Variants in DICER1 observed in about 807,000 individuals in gnomAD.
DICER1 encodes the protein endoribonuclease Dicer.
DICER1 carries 43 observed loss-of-function variants against 194.1 expected under a neutral mutation model. That is an observed-to-expected ratio of 0.22 (90% CI 0.17 to 0.29). The LOEUF is 0.29. DICER1 is among the 10% of genes least tolerant of loss of function. The pLI, the probability that DICER1 is intolerant of heterozygous loss-of-function variation, is 1.00. For missense variants in DICER1, 1,608 were observed against 2,317.0 expected (o/e 0.69, Z 6.28); for synonymous variants, 832 against 820.5 (o/e 1.01, Z -0.24).
Position 95,116,389 on chromosome 14 carries a change from A to G in DICER1, c.1752+64T>C, listed in dbSNP as rs895039666. Reference sequence around the variant, plus strand: ...ATCTGTTCCTATGGATACAAAGAATAACAAAGAAGCCACATTAATTTTTTT... The same window carrying G: ...ATCTGTTCCTATGGATACAAAGAATGACAAAGAAGCCACATTAATTTTTTT... On this transcript the variant is annotated intron_variant, in intron 10 of 26. Transcript: ENST00000343455. 5.5e-5 allele frequency: 87 copies of G among 1,577,452 alleles called. No individual in the cohort carries two copies. The African/African-American group carries it at 5.7e-4, about 10-fold the overall frequency.
intron 8 of DICER1, among the ~76,000 whole-genome samples, chr14:95,121,849 A>T (rs1423133285): frequency 6.6e-6 from 1 of 152,208 alleles, no homozygotes; most frequent in Non-Finnish European, 1.5e-5. Context: ...CATAAACATA[A>T]GACTGTGCAC....
chr14:95,138,994 TAAAAAAAAA>T (rs67050539), intron 1 of DICER1, among the ~76,000 whole-genome samples: 3 of 135,966 alleles, frequency 2.2e-5, no homozygotes, highest in Admixed American at 7.3e-5. Flanking sequence ...AATAAAAAAA[TAAAAAAAAA>T]AAAAAAAGAA....
chr14:95,114,079 T>C (rs1287551190), intron 11 of DICER1, among the ~76,000 whole-genome samples: 1 of 152,124 alleles, frequency 6.6e-6, no homozygotes, highest in African/African-American at 2.4e-5. Context: ...GATGTAAACA[T>C]GAACAAACAA....
In DICER1 at chr14:95,156,198, T is replaced by C. The variant is rs371387236; in HGVS notation, c.-46+1032A>G. ...GCTTAAATCCTAACCTGAGTCCTTT[T>C]CCACTGTTTGAAAACAAGCACCACG... is the stretch of plus-strand genomic sequence containing the variant. On this transcript the variant is annotated intron_variant, in intron 1 of 26. Transcript: ENST00000343455. Among the ~76,000 whole-genome samples the C allele has an allele frequency of 3.9e-5, 6 of 152,356 alleles. 1 individual carries two copies. In the East Asian group the frequency reaches 9.6e-4, roughly 24 times the overall value.
chr14:95,093,109 T>A (rs1889993419), intron 24 of DICER1, among the ~76,000 whole-genome samples: 1 of 152,136 alleles, frequency 6.6e-6, no homozygotes, highest in Non-Finnish European at 1.5e-5. Flanking sequence ...AAGGGGAAGG[T>A]ACAAATTAAA....
At position 95,096,328 on chromosome 14, in the gene DICER1, G is replaced by C; in HGVS notation, c.4592C>G (p.Ser1531Ter). 1 of 1,614,188 alleles carries C rather than the reference G, an allele frequency of 6.2e-7. No homozygotes were observed. The change falls in exon 23 of 27, where the codon TCA (serine) becomes TGA (stop). Residue 1531 changes from serine (S) to a stop codon, truncating the protein, a stop_gained. Coordinates refer to ENST00000343455, the MANE Select transcript of DICER1 (RefSeq NM_177438.3). LOFTEE classifies it high-confidence loss of function. The part of the protein sequence containing the change: ...DDFVVGFWNP[S>*]EENCGVDTGK... ...CGTGTCAACACCACAGTTTTCTTCT[G>C]ATGGATTCCAGAACCCCACCACAAA...
At chr14:95,123,095 G>A (rs887905550) in intron 8 of DICER1, among the ~76,000 whole-genome samples, 2 of 152,064 alleles carry the variant, frequency 1.3e-5, no homozygotes, top group East Asian at 3.9e-4. Flanking sequence ...AAAGTAAATT[G>A]ATTTAAGTAC....
chr14:95,107,912 T>C lies in DICER1; in HGVS notation c.2618A>G (p.Asp873Gly), dbSNP rs1555370765. ...PALEFKPTDA[D>G]SAYCVLPLNV... ...AAGAGGTAGAACACAGTATGCTGAA[T>C]CAGCGTCTGTAGGTTTAAATTCTAG... The change falls in exon 16 of 27, where the codon GAT becomes GGT. Residue 873 changes from aspartate to glycine, a missense_variant. By Grantham distance (94) the Asp-to-Gly change is moderately conservative. Transcript: ENST00000343455. 6.2e-7 allele frequency: 1 copy of C among 1,614,126 alleles called. No homozygotes were observed.
rs1595465759 is a variant in DICER1 at position 95,132,505 on chromosome 14, T to C, written c.307+10A>G. ...CCCCTGCACAACTTGATAAAATAATTTTTTATTACCAGAGTTGACCAAGAA... is the reference window on the plus strand; with the variant it reads ...CCCCTGCACAACTTGATAAAATAATCTTTTATTACCAGAGTTGACCAAGAA... On this transcript the variant is annotated intron_variant, in intron 3 of 26. Transcript: ENST00000343455. 4 of 1,613,648 alleles carry C rather than the reference T, an allele frequency of 2.5e-6. No individual in the cohort carries two copies. The highest frequency in any genetic ancestry group is 3.4e-6 in the Non-Finnish European group (4 of 1,179,710).
At chr14:95,118,612 G>A (rs565408794) in intron 8 of DICER1, among the ~76,000 whole-genome samples, 5 of 152,230 alleles carry the variant, frequency 3.3e-5, no homozygotes, top group African/African-American at 4.8e-5. Flanking sequence ...CACATTACAC[G>A]GGTGCAGAAG....
chr14:95,097,086 C>T (rs1890423744), intron 22 of DICER1, among the ~76,000 whole-genome samples: 1 of 152,180 alleles, frequency 6.6e-6, no homozygotes, highest in South Asian at 2.1e-4. Context: ...GCTGATCACA[C>T]AGATCTTCAA....
At position 95,090,667 on chromosome 14, in the gene DICER1, T is replaced by C. The variant is rs768097589; in HGVS notation, c.5604-4A>G. On this transcript the variant is annotated splice_region_variant and splice_polypyrimidine_tract_variant and intron_variant, in intron 26 of 26. Transcript: ENST00000343455. The stretch of plus-strand genomic sequence containing the variant: ...GTCGTAAGTTCTCTCAGCCGGGCTG[T>C]AAAAAATCCAAACAGCTTGAATTAG... 1 of 1,614,110 alleles carries C rather than the reference T, an allele frequency of 6.2e-7. No individual in the cohort carries two copies. The highest frequency in any genetic ancestry group is 2.2e-5 in the East Asian group (1 of 44,882).
intron 6 of DICER1, among the ~76,000 whole-genome samples, chr14:95,128,766 G>A (rs888471047): frequency 2.6e-5 from 4 of 152,110 alleles, no homozygotes; most frequent in East Asian, 3.9e-4. Context: ...ATCAGTCTCC[G>A]CTACTTATTG....
In DICER1 at chr14:95,139,093, T is replaced by C. The variant is rs180689042; in HGVS notation, c.-45-5590A>G. ...GTAATCCCTGTTGGCTGAAAGCCTA[T>C]AGCATATTATGCATCCTCCCTGACT... On this transcript the variant is annotated intron_variant, in intron 1 of 26. Coordinates refer to ENST00000343455, the MANE Select transcript of DICER1 (RefSeq NM_177438.3). 4.7e-4 allele frequency among the ~76,000 whole-genome samples: 71 copies of C among 152,120 alleles called. 1 individual carries two copies. The highest frequency in any genetic ancestry group is 3.5e-3 in the Admixed American group (53 of 15,298).
At chr14:95,119,268 C>T (rs975496656) in intron 8 of DICER1, among the ~76,000 whole-genome samples, 3 of 151,998 alleles carry the variant, frequency 2.0e-5, no homozygotes, top group African/African-American at 7.3e-5. Flanking sequence ...GAAATAGAGG[C>T]AACAACAGTC....
Position 95,107,834 on chromosome 14 carries a change from T to C in DICER1, c.2650+46A>G, listed in dbSNP as rs770517975. 5.0e-6 allele frequency: 8 copies of C among 1,608,956 alleles called. No individual in the cohort carries two copies. In the Admixed American group the frequency reaches 8.3e-5, roughly 17 times the overall value. On this transcript the variant is annotated intron_variant, in intron 16 of 26. Transcript: ENST00000343455. Reference sequence around the variant, plus strand: ...TAAGTTTCATACCAAAGCTGTATGTTTGTATATGTGTCTAGAGTTATCAAA... The same window carrying C: ...TAAGTTTCATACCAAAGCTGTATGTCTGTATATGTGTCTAGAGTTATCAAA...
chr14:95,105,330 A>T lies in DICER1; in HGVS notation c.3094-84T>A, dbSNP rs1891322784. The T allele has an allele frequency of 5.6e-6, 7 of 1,246,918 alleles. No homozygotes were observed. The East Asian group carries it at 1.6e-4, about 29-fold the overall frequency. The allele number at this position is 1,246,918 out of a possible 1,614,324, so 77.2% of individuals were successfully genotyped here. On this transcript the variant is annotated intron_variant, in intron 19 of 26. Coordinates refer to ENST00000343455, the MANE Select transcript of DICER1 (RefSeq NM_177438.3). The surrounding 1 kb of genome is among the most constrained non-coding windows in gnomAD (Gnocchi z 4.9). ...AAAAAGACCAATTTCACTAATGGAT[A>T]AAGAAAATCATAAATGCTAGTAAAA...
chr14:95,107,747 T>A lies in DICER1; in HGVS notation c.2665A>T (p.Thr889Ser). 1 of 1,612,098 alleles carries A rather than the reference T, an allele frequency of 6.2e-7. No individual in the cohort carries two copies. ...ATGAATTTAAAGTCAATATCCAAAG[T>A]GCTGGAGTCATTAACTTAGAAGAGA... ...LPLNVVNDSSTLDIDFKFMED... is the reference protein window; with the variant it reads ...LPLNVVNDSSSLDIDFKFMED... Residue 889 changes from threonine (T) to serine (S), a missense_variant, in exon 17 of 27, where the codon ACT becomes TCT. By Grantham distance (58) the Thr-to-Ser change is moderately conservative. This residue lies in a region of DICER1 where 150 missense variants were observed against 216.0 expected (regional missense o/e 0.69). Transcript: ENST00000343455.
rs528568542 is a variant in DICER1, at chr14:95,090,431, C to T, written c.*67G>A. On this transcript the variant is annotated 3_prime_UTR_variant, in exon 27 of 27. Transcript: ENST00000343455. Reference sequence around the variant, plus strand: ...ACTAACAACTTTAAGTCTTCCTTTCCGATTTAAATAATTTTCCCCTTAATT... The same window carrying T: ...ACTAACAACTTTAAGTCTTCCTTTCTGATTTAAATAATTTTCCCCTTAATT... 4.4e-5 allele frequency: 69 copies of T among 1,567,374 alleles called. 1 individual carries two copies. In the Admixed American group the frequency reaches 9.9e-4, roughly 22 times the overall value.
Sources: allele counts gnomAD v4.1 joint callset (sites outside exome capture counted in the v4.1 genomes callset), GRCh38; gene constraint gnomAD v4.1.1; regional missense constraint gnomAD v4.1.1; non-coding constraint Gnocchi (gnomAD v3.1); transcripts MANE v1.5; gene names NCBI Gene and HGNC (gene_info 2026-07-23, HGNC 2026-07-21).